GABBR2: variants seen among roughly 807,000 people sequenced by gnomAD.
GABBR2 encodes the protein G-protein coupled receptor 51.
In GABBR2, 23 loss-of-function variants were observed where a neutral mutation model predicts 105.6. The observed-to-expected ratio is 0.22, with a 90% CI of 0.16 to 0.31. The LOEUF is 0.31. GABBR2 is among the 10% of genes least tolerant of loss of function. The pLI is 1.00. For missense variants in GABBR2, 734 were observed against 1,245.5 expected (o/e 0.59, Z 6.18); for synonymous variants, 478 against 499.7 (o/e 0.96, Z 0.58).
At chr9:98,400,196 T>C (rs72759677) in intron 8 of GABBR2, among the ~76,000 whole-genome samples, 1 of 132,312 alleles carries the variant, frequency 7.6e-6, no homozygotes, top group East Asian at 2.2e-4. Flanking sequence ...TTTTTTTTTT[T>C]AAAAAAAAAA....
intron 1 of GABBR2, among the ~76,000 whole-genome samples, chr9:98,665,729 A>C (rs1384658216): frequency 6.6e-6 from 1 of 152,168 alleles, no homozygotes; most frequent in Non-Finnish European, 1.5e-5. Context: ...GAGGAGATGA[A>C]GTGTGGACTC....
chr9:98,398,533 T>A (rs1051581153), intron 8 of GABBR2, among the ~76,000 whole-genome samples: 1 of 152,122 alleles, frequency 6.6e-6, no homozygotes, highest in Non-Finnish European at 1.5e-5. Context: ...GTCCTCCTCA[T>A]TCCAAGCTAA....
chr9:98,520,843 G>A (rs1303496333), intron 3 of GABBR2, among the ~76,000 whole-genome samples: 4 of 152,158 alleles, frequency 2.6e-5, no homozygotes, highest in Admixed American at 2.0e-4. Flanking sequence ...CCCCAAGACT[G>A]GCAACACCAT....
At chr9:98,460,686 A>G (rs906380957) in intron 6 of GABBR2, among the ~76,000 whole-genome samples, 8 of 152,136 alleles carry the variant, frequency 5.3e-5, no homozygotes, top group African/African-American at 1.9e-4. Context: ...ATATATGTAT[A>G]ATTGTGTCCT....
At chr9:98,604,765 A>G (rs1240600565) in intron 1 of GABBR2, among the ~76,000 whole-genome samples, 1 of 152,224 alleles carries the variant, frequency 6.6e-6, no homozygotes, top group Non-Finnish European at 1.5e-5. Context: ...AGTCATCTGT[A>G]ACACTCAAAA....
intron 7 of GABBR2, among the ~76,000 whole-genome samples, chr9:98,437,152 C>T (rs190199497): frequency 3.9e-5 from 6 of 152,248 alleles, no homozygotes; most frequent in Non-Finnish European, 1.5e-5. Context: ...GAGGTCAGGA[C>T]CTGTACAGAA....
In GABBR2 at chr9:98,571,776, C is replaced by A. The variant is rs907304089; in HGVS notation, c.459+6159G>T. On this transcript the variant is annotated intron_variant, in intron 2 of 18. Transcript: ENST00000259455. Reference sequence around the variant, plus strand: ...GGCCCACAGGGAACTCATGACTTCACAGCCAGGCAGCGTGCTCCATGCTGG... The same window carrying A: ...GGCCCACAGGGAACTCATGACTTCAAAGCCAGGCAGCGTGCTCCATGCTGG... Among the ~76,000 whole-genome samples, 19 of 152,298 alleles carry A rather than the reference C, an allele frequency of 1.2e-4. No individual in the cohort carries two copies. The East Asian group carries it at 1.9e-3, about 15-fold the overall frequency.
chr9:98,685,514 A>G (rs558291412), intron 1 of GABBR2, among the ~76,000 whole-genome samples: 5 of 152,288 alleles, frequency 3.3e-5, no homozygotes, highest in African/African-American at 1.2e-4. Context: ...AAGGGCATGA[A>G]TGATGCTTCA....
chr9:98,513,538 A>C (rs1353770470), intron 3 of GABBR2, among the ~76,000 whole-genome samples: 1 of 152,020 alleles, frequency 6.6e-6, no homozygotes, highest in African/African-American at 2.4e-5. Context: ...AGAATCTACA[A>C]TGAACTCAAA....
At chr9:98,512,995 A>C (rs1361703499) in intron 3 of GABBR2, among the ~76,000 whole-genome samples, 1 of 151,796 alleles carries the variant, frequency 6.6e-6, no homozygotes, top group African/African-American at 2.4e-5. Context: ...ACGCTACCTG[A>C]CTTCAAACTA....
chr9:98,433,304 CTGTTT>C (rs1461935405), intron 7 of GABBR2, among the ~76,000 whole-genome samples: 1 of 152,154 alleles, frequency 6.6e-6, no homozygotes, highest in East Asian at 1.9e-4. Flanking sequence ...ATCTAGGTCA[CTGTTT>C]TATTATATGC....
chr9:98,528,499 T>C (rs769331128), intron 3 of GABBR2, among the ~76,000 whole-genome samples: 7 of 152,010 alleles, frequency 4.6e-5, no homozygotes, highest in Non-Finnish European at 8.8e-5. Flanking sequence ...TTTCAATAGA[T>C]CAACTAATAT....
chr9:98,387,977 C>T (rs566687271), intron 10 of GABBR2, among the ~76,000 whole-genome samples: 1 of 152,288 alleles, frequency 6.6e-6, no homozygotes, highest in East Asian at 1.9e-4. Context: ...GGCACCATGG[C>T]AGAGCCATGG....
chr9:98,541,062 A>G (rs1382724678), intron 3 of GABBR2, among the ~76,000 whole-genome samples: 1 of 152,196 alleles, frequency 6.6e-6, no homozygotes, highest in Admixed American at 6.5e-5. Context: ...TGGTTGTCCC[A>G]TTGAAAAGTG....
chr9:98,339,647 C>A (rs1831174605), intron 13 of GABBR2, among the ~76,000 whole-genome samples: 1 of 152,148 alleles, frequency 6.6e-6, no homozygotes, highest in Non-Finnish European at 1.5e-5. Flanking sequence ...CAGAGAATAG[C>A]CCATAGATCT....
chr9:98,593,228 G>A (rs773661945), intron 1 of GABBR2, among the ~76,000 whole-genome samples: 7 of 152,100 alleles, frequency 4.6e-5, no homozygotes, highest in Non-Finnish European at 7.4e-5. Flanking sequence ...GTCTATTTCC[G>A]GAATGTTTTC....
In GABBR2 at chr9:98,288,802, C is replaced by CTATG. The variant is rs993261658; in HGVS notation, c.*1778_*1781dup. On this transcript the variant is annotated 3_prime_UTR_variant, in exon 19 of 19. Coordinates refer to ENST00000259455, the MANE Select transcript of GABBR2 (RefSeq NM_005458.8). Reference sequence around the variant, plus strand: ...CTCTTTGGGGAAGGGGAGCAGAAAGCTATGCTACGTGAAATAGGGTGCTTT... The same window carrying CTATG: ...CTCTTTGGGGAAGGGGAGCAGAAAGCTATGTATGCTACGTGAAATAGGGTGCTTT... 1.3e-5 allele frequency: 2 copies of CTATG among 152,544 alleles called. No individual in the cohort carries two copies. The highest frequency in any genetic ancestry group is 4.8e-5 in the African/African-American group (2 of 41,422). 9.4% of individuals were successfully genotyped at this position (152,544 alleles called of 1,614,324 possible). A position where few individuals can be genotyped will look rare whatever the true frequency, so the allele number is the denominator to read the frequency against.
intron 1 of GABBR2, among the ~76,000 whole-genome samples, chr9:98,656,521 A>ATTTG (rs1460805247): frequency 8.5e-5 from 13 of 152,348 alleles, no homozygotes; most frequent in African/African-American, 2.2e-4. Flanking sequence ...CACTAGTTTC[A>ATTTG]AAACTCATTT....
chr9:98,506,690 TG>T (rs1809382828), intron 3 of GABBR2, among the ~76,000 whole-genome samples: 1 of 152,164 alleles, frequency 6.6e-6, no homozygotes, highest in South Asian at 2.1e-4. Flanking sequence ...TGGAGTTCCC[TG>T]GGGACAGTTC....
Sources: allele counts gnomAD v4.1 joint callset (sites outside exome capture counted in the v4.1 genomes callset), GRCh38; gene constraint gnomAD v4.1.1; transcripts MANE v1.5; gene names NCBI Gene and HGNC (gene_info 2026-07-23, HGNC 2026-07-21).